RAPGEF5: variants seen among roughly 807,000 people sequenced by gnomAD.
RAPGEF5 encodes Rap guanine nucleotide exchange factor 5.
Under a neutral mutation model 125.2 loss-of-function variants are expected in RAPGEF5, and 65 were observed. The observed-to-expected ratio is 0.52, with a 90% CI of 0.43 to 0.64. RAPGEF5 has a LOEUF of 0.64. RAPGEF5 is among the 30% of genes least tolerant of loss of function. The probability of loss-of-function intolerance (pLI) is 0.00; values close to 1 mark genes in which losing one functional copy is unlikely to be tolerated. For missense variants in RAPGEF5, 958 were observed against 1,048.1 expected, an observed-to-expected ratio of 0.91 and a Z score of 1.19; for synonymous variants, 391 against 385.9, an observed-to-expected ratio of 1.01 and a Z score of -0.16.
chr7:22,178,309 C>A (rs554043046), intron 11 of RAPGEF5, among the ~76,000 whole-genome samples: 162 of 152,226 alleles, frequency 1.1e-3, no homozygotes, highest in African/African-American at 3.6e-3. Context: ...TGAAAAAAAA[C>A]CATTTTTCTA....
At chr7:22,223,883 C>A (rs562363915) in intron 8 of RAPGEF5, among the ~76,000 whole-genome samples, 34 of 152,116 alleles carry the variant, frequency 2.2e-4, no homozygotes, top group Non-Finnish European at 4.7e-4. Flanking sequence ...TGTTAATAGT[C>A]ACTTAGGTTA....
intron 12 of RAPGEF5, among the ~76,000 whole-genome samples, chr7:22,163,371 A>G (rs1417245473): frequency 1.3e-5 from 2 of 152,240 alleles, no homozygotes; most frequent in East Asian, 3.8e-4. Flanking sequence ...GCCCAGCAGT[A>G]CATTTACTGA....
At chr7:22,273,211 ATTT>A (rs71026869) in intron 6 of RAPGEF5, among the ~76,000 whole-genome samples, 3,274 of 96,234 alleles carry the variant, frequency 0.034, 38 homozygotes, top group African/African-American at 0.13. Flanking sequence ...ACTTAGGAGT[ATTT>A]TTTTTTTTTT....
intron 2 of RAPGEF5, among the ~76,000 whole-genome samples, chr7:22,316,186 C>A (rs567969603): frequency 6.6e-6 from 1 of 152,034 alleles, no homozygotes; most frequent in Admixed American, 6.5e-5. Context: ...ACCTCCTTCT[C>A]TATAACCAGC....
In RAPGEF5 at chr7:22,120,713, A is replaced by G. The variant is rs984030155; in HGVS notation, c.*1693T>C. On this transcript the variant is annotated 3_prime_UTR_variant, in exon 26 of 26. Coordinates refer to ENST00000665637, the MANE Select transcript of RAPGEF5 (RefSeq NM_012294.5). The surrounding 1 kb of genome is among the most constrained non-coding windows in gnomAD (Gnocchi z 4.0). ...GACCAGCCCTGGAGGATGCCCTTCT[A>G]TAAAACCCTATAAATGTTCAGGACT... The G allele has an allele frequency of 1.3e-5, 2 of 152,292 alleles. No homozygotes were observed. Among genetic ancestry groups the G allele is most frequent in the African/African-American group, 2.4e-5 (1 of 41,418 alleles). The allele number at this position is 152,292 out of a possible 1,614,324, so 9.4% of individuals were successfully genotyped here.
At chr7:22,299,179 C>G (rs1172143784) in intron 5 of RAPGEF5, among the ~76,000 whole-genome samples, 1 of 151,900 alleles carries the variant, frequency 6.6e-6, no homozygotes, top group Non-Finnish European at 1.5e-5. Flanking sequence ...TGATCTAAGA[C>G]ATTTATTCTT....
chr7:22,350,270 C>T (rs987702701), intron 1 of RAPGEF5, among the ~76,000 whole-genome samples: 1 of 152,138 alleles, frequency 6.6e-6, no homozygotes, highest in Non-Finnish European at 1.5e-5. Context: ...AGAGAAAGTG[C>T]AAGTATGAAA....
In RAPGEF5 at chr7:22,253,390, A is replaced by T. The variant is rs187263510; in HGVS notation, c.796+13574T>A. Among the ~76,000 whole-genome samples the T allele has an allele frequency of 1.1e-4, 16 of 152,246 alleles. 1 individual carries two copies. Among genetic ancestry groups the T allele is most frequent in the African/African-American group, 3.4e-4 (14 of 41,556 alleles). ...TGGACACAGTATCGAGGATGTGGCA[A>T]AAGAAAAGAAAAGGACAGAAACAAA... is the stretch of plus-strand genomic sequence containing the variant. On this transcript the variant is annotated intron_variant, in intron 7 of 25. Transcript: ENST00000665637.
rs185214186 is a variant in RAPGEF5, at chr7:22,263,172, A to G, written c.796+3792T>C. On this transcript the variant is annotated intron_variant, in intron 7 of 25. Coordinates refer to ENST00000665637, the MANE Select transcript of RAPGEF5 (RefSeq NM_012294.5). ...ATTAAGAAGAGAAAAGAGGTAGTGG[A>G]AAGTCAGTGTAGCTATAAAGGAGCA... Among the ~76,000 whole-genome samples the G allele has an allele frequency of 3.1e-3, 475 of 152,332 alleles. 1 individual carries two copies. Among genetic ancestry groups the G allele is most frequent in the African/African-American group, 0.011 (443 of 41,566 alleles).
chr7:22,268,343 A>G (rs187496868), intron 6 of RAPGEF5, among the ~76,000 whole-genome samples: 192 of 152,352 alleles, frequency 1.3e-3, no homozygotes, highest in African/African-American at 4.4e-3. Context: ...GTTTACAGTT[A>G]AAGAACTTAG....
chr7:22,260,437 A>G (rs1782122206), intron 7 of RAPGEF5, among the ~76,000 whole-genome samples: 1 of 151,940 alleles, frequency 6.6e-6, no homozygotes, highest in Admixed American at 6.6e-5. Context: ...TGAACCTAAA[A>G]CTGCTCTAAA....
At chr7:22,270,377 T>C (rs547324128) in intron 6 of RAPGEF5, among the ~76,000 whole-genome samples, 185 of 152,342 alleles carry the variant, frequency 1.2e-3, no homozygotes, top group Non-Finnish European at 2.1e-3. Context: ...TTGTTTCAAA[T>C]CTGTAGATTC....
chr7:22,336,021 G>A (rs113188501), intron 1 of RAPGEF5, among the ~76,000 whole-genome samples: 121 of 152,212 alleles, frequency 7.9e-4, no homozygotes, highest in Non-Finnish European at 1.6e-3. Flanking sequence ...CAAACAGAAA[G>A]CAAATTACTG....
chr7:22,246,468 G>C (rs1271619672), intron 7 of RAPGEF5, among the ~76,000 whole-genome samples: 1 of 152,068 alleles, frequency 6.6e-6, no homozygotes. Context: ...ACAAAAATAA[G>C]CAATGGGGAA....
At chr7:22,252,430 G>C (rs889140611) in intron 7 of RAPGEF5, among the ~76,000 whole-genome samples, 6 of 152,168 alleles carry the variant, frequency 3.9e-5, no homozygotes, top group Non-Finnish European at 5.9e-5. Flanking sequence ...CAAAAACCTT[G>C]GATTCTGGAG....
intron 5 of RAPGEF5, among the ~76,000 whole-genome samples, chr7:22,299,649 T>C (rs1783150082): frequency 6.6e-6 from 1 of 152,220 alleles, no homozygotes; most frequent in Non-Finnish European, 1.5e-5. Context: ...ATTTTTCCTT[T>C]AGATTTCTTT....
chr7:22,191,579 T>G (rs1225232201), intron 11 of RAPGEF5: 5 of 471,070 alleles, frequency 1.1e-5, no homozygotes, highest in Non-Finnish European at 2.2e-5. Context: ...CATGAAGTCC[T>G]GGTCCGCTTG....
chr7:22,232,788 A>T (rs1313345264), intron 7 of RAPGEF5, among the ~76,000 whole-genome samples: 10 of 152,212 alleles, frequency 6.6e-5, no homozygotes, highest in Non-Finnish European at 7.3e-5. Context: ...TGGCATGAAC[A>T]ATGTATCCCC....
At chr7:22,264,878 C>T (rs1208068553) in intron 7 of RAPGEF5, among the ~76,000 whole-genome samples, 1 of 152,146 alleles carries the variant, frequency 6.6e-6, no homozygotes, top group Non-Finnish European at 1.5e-5. Flanking sequence ...CACTGTCATC[C>T]CAACTTGTAC....
Sources: gnomAD v4.1 joint callset for allele counts (sites outside exome capture counted in the v4.1 genomes callset) on GRCh38, gnomAD v4.1.1 for gene constraint, Gnocchi (gnomAD v3.1) non-coding constraint, MANE v1.5 for transcripts, NCBI Gene and HGNC (gene_info 2026-07-23, HGNC 2026-07-21) for gene names.